The following EML6 variants were observed in gnomAD, a reference collection of about 807,000 sequenced individuals.
The protein encoded by EML6 is echinoderm microtubule-associated protein-like 6.
EML6 carries 154 observed loss-of-function variants against 240.1 expected under a neutral mutation model. That is an observed-to-expected ratio of 0.64 (90% CI 0.56 to 0.73). The LOEUF (loss-of-function observed/expected upper bound fraction) is 0.73, where lower values mean the gene tolerates loss of function less well. EML6 is among the 30% of genes least tolerant of loss of function. EML6 has a pLI of 0.00. For missense variants in EML6, 2,964 were observed against 2,474.6 expected (o/e 1.20, Z -4.20); for synonymous variants, 1,148 against 899.0 (o/e 1.28, Z -4.95).
At chr2:54,875,903 G>C (rs970424312) in intron 16 of EML6, among the ~76,000 whole-genome samples, 1 of 152,156 alleles carries the variant, frequency 6.6e-6, no homozygotes, top group African/African-American at 2.4e-5. Context: ...AAGCTTCGTA[G>C]AATAATACTG....
Position 54,843,964 on chromosome 2 carries a change from T to TTGTGTGTGTGTC in EML6, c.848-72_848-71insCTGTGTGTGTGT, listed in dbSNP as rs1669608514. On this transcript the variant is annotated intron_variant, in intron 7 of 41. Coordinates refer to ENST00000356458, the MANE Select transcript of EML6 (RefSeq NM_001039753.4). ...GTTAAAGGGCATTTACTTTAGGGTT[T>TTGTGTGTGTGTC]TGTGTGTGTGTGTGTGTGTGTGTGT... 11 of 658,626 alleles carry TTGTGTGTGTGTC rather than the reference T, an allele frequency of 1.7e-5. No individual in the cohort carries two copies. In the Middle Eastern group the frequency reaches 1.6e-3, roughly 97 times the overall value. The allele number at this position is 658,626 out of a possible 1,614,324, so 40.8% of individuals were successfully genotyped here.
intron 28 of EML6, 21 bp downstream of exon 28, chr2:54,928,772 C>T (rs1197632505): frequency 4.5e-6 from 7 of 1,551,440 alleles, no homozygotes; most frequent in South Asian, 2.4e-5. Context: ...GCCAGGTTTG[C>T]TTGCTTTTAT....
intron 28 of EML6, among the ~76,000 whole-genome samples, chr2:54,931,672 T>G (rs1344159114): frequency 6.6e-6 from 1 of 152,200 alleles, no homozygotes; most frequent in South Asian, 2.1e-4. Context: ...TGGGTGCTTT[T>G]TCTAAACACT....
chr2:54,791,336 C>A (rs1035735028), intron 2 of EML6, among the ~76,000 whole-genome samples: 1 of 152,172 alleles, frequency 6.6e-6, no homozygotes, highest in Non-Finnish European at 1.5e-5. Context: ...GGGAAGGTGC[C>A]TACATTCTGT....
chr2:54,869,293 C>G lies in EML6; in HGVS notation c.2164C>G (p.Leu722Val), dbSNP rs1449234578. The change falls in exon 15 of 42, where the codon CTG (leucine) becomes GTG (valine). Residue 722 changes from leucine to valine, a missense_variant. Coordinates refer to ENST00000356458, the MANE Select transcript of EML6 (RefSeq NM_001039753.4). ...VYNRQQHSQR[L>V]YLGHDDDILS... The stretch of plus-strand genomic sequence containing the variant: ...TAATCGGCAGCAGCACTCCCAGAGG[C>G]TGTACCTGGGGCACGATGACGACAT... The G allele has an allele frequency of 6.4e-7, 1 of 1,551,756 alleles. No individual in the cohort carries two copies.
intron 8 of EML6, 149 bp from the exon 9 acceptor site, chr2:54,847,337 C>A: frequency 1.4e-6 from 1 of 689,708 alleles, no homozygotes. Flanking sequence ...TCCACACTCG[C>A]TGACAGGCCA....
intron 2 of EML6, among the ~76,000 whole-genome samples, chr2:54,755,848 C>T (rs868634712): frequency 7.9e-5 from 12 of 151,948 alleles, no homozygotes; most frequent in Admixed American, 4.6e-4. Flanking sequence ...TTAGTAGAGA[C>T]GGAGTTTCAT....
At chr2:54,819,018 C>G (rs1668204835) in intron 4 of EML6, among the ~76,000 whole-genome samples, 1 of 152,124 alleles carries the variant, frequency 6.6e-6, no homozygotes, top group Non-Finnish European at 1.5e-5. Context: ...CTTAACAAAA[C>G]TTGAGGTGGT....
intron 17 of EML6, among the ~76,000 whole-genome samples, chr2:54,885,635 G>A (rs1312084931): frequency 6.6e-6 from 1 of 151,424 alleles, no homozygotes; most frequent in Admixed American, 6.6e-5. Context: ...CTTTTTTGAT[G>A]GAGTCTTGCT....
chr2:54,780,298 A>G (rs1261093239), intron 2 of EML6, among the ~76,000 whole-genome samples: 1 of 152,232 alleles, frequency 6.6e-6, no homozygotes, highest in Non-Finnish European at 1.5e-5. Context: ...AGGCTAAACA[A>G]TTTACTAGAC....
At chr2:54,877,686 A>T (rs527957437) in intron 16 of EML6, among the ~76,000 whole-genome samples, 1 of 152,348 alleles carries the variant, frequency 6.6e-6, no homozygotes, top group African/African-American at 2.4e-5. Context: ...GGATATCATT[A>T]GTTGTTTTTG....
In EML6 at chr2:54,903,356, C is replaced by T. The variant is rs1479499069; in HGVS notation, c.3278-15C>T. 1.7e-5 allele frequency: 27 copies of T among 1,549,844 alleles called. No homozygotes were observed. The highest frequency in any genetic ancestry group is 2.3e-5 in the Non-Finnish European group (26 of 1,146,272). Reference sequence around the variant, plus strand: ...ATAAAATGCTTCGATGTTAACCCCACATTTTTCTTAACAGATACGGGAAAA... The same window carrying T: ...ATAAAATGCTTCGATGTTAACCCCATATTTTTCTTAACAGATACGGGAAAA... On this transcript the variant is annotated splice_polypyrimidine_tract_variant and intron_variant, in intron 23 of 41. Transcript: ENST00000356458.
intron 21 of EML6, 37 bp from the exon 22 acceptor site, chr2:54,899,604 A>C (rs974764266): frequency 6.5e-7 from 1 of 1,547,030 alleles, no homozygotes; most frequent in Non-Finnish European, 8.7e-7. Context: ...CAAACAGCAT[A>C]AGTAGAGTTT....
chr2:54,908,596 C>T (rs1444782279), intron 24 of EML6, among the ~76,000 whole-genome samples: 2 of 152,206 alleles, frequency 1.3e-5, no homozygotes, highest in Non-Finnish European at 2.9e-5. Context: ...CTCCCCTCCT[C>T]TCCCACTCTT....
intron 21 of EML6, among the ~76,000 whole-genome samples, chr2:54,898,889 TA>T (rs1292509205): frequency 2.0e-5 from 3 of 152,260 alleles, no homozygotes; most frequent in Non-Finnish European, 4.4e-5. Context: ...TTCTCCCTGT[TA>T]AGTGTTCGTT....
chr2:54,808,918 C>G (rs1406830455), intron 2 of EML6, among the ~76,000 whole-genome samples: 1 of 152,190 alleles, frequency 6.6e-6, no homozygotes, highest in Non-Finnish European at 1.5e-5. Context: ...GCAGTGCTTT[C>G]TATTGCTATG....
intron 25 of EML6, among the ~76,000 whole-genome samples, chr2:54,911,641 T>C (rs1673645317): frequency 6.6e-6 from 1 of 152,164 alleles, no homozygotes; most frequent in South Asian, 2.1e-4. Context: ...TTCCCCATGT[T>C]GGCCAGGCTG....
At position 54,962,668 on chromosome 2, in the gene EML6, C is replaced by G. The variant is rs1160267675; in HGVS notation, c.5114C>G (p.Ala1705Gly). The change falls in exon 36 of 42, where the codon GCC (alanine) becomes GGC (glycine). Residue 1705 changes from alanine to glycine, a missense_variant. Transcript: ENST00000356458. ...CCTTCCAAGGACCTCTTCATCTCTG[C>G]CAGCAACGATGGCACAGCCCGGATC... is the stretch of plus-strand genomic sequence containing the variant. ...THPSKDLFIS[A>G]SNDGTARIWD... is the part of the protein sequence containing the mutation. The G allele has an allele frequency of 2.6e-6, 4 of 1,529,386 alleles. No homozygotes were observed. The South Asian group carries it at 3.8e-5, about 14-fold the overall frequency. 94.7% of individuals were successfully genotyped at this position (1,529,386 alleles called of 1,614,324 possible).
intron 25 of EML6, among the ~76,000 whole-genome samples, chr2:54,915,990 T>C (rs917435860): frequency 3.9e-5 from 6 of 152,218 alleles, no homozygotes; most frequent in African/African-American, 1.4e-4. Context: ...CTCAGTCTTA[T>C]CAGGATTTAA....
Sources: allele counts gnomAD v4.1 joint callset (sites outside exome capture counted in the v4.1 genomes callset), GRCh38; gene constraint gnomAD v4.1.1; transcripts MANE v1.5; gene names NCBI Gene and HGNC (gene_info 2026-07-23, HGNC 2026-07-21).